The following MTBP variants were observed in gnomAD, a reference collection of about 807,000 sequenced individuals.
The protein encoded by MTBP is MDM2 binding protein, also known as mdm2-binding protein.
In MTBP, 101 loss-of-function variants were observed where a neutral mutation model predicts 117.0. That is an observed-to-expected ratio of 0.86 (90% CI 0.73 to 1.02). The LOEUF is 1.02. Among genes scored for constraint, MTBP ranks in the 50% least tolerant of loss-of-function variants. The probability of loss-of-function intolerance (pLI) is 0.00; values close to 1 mark genes in which losing one functional copy is unlikely to be tolerated. For synonymous variants in MTBP, 350 were observed against 351.5 expected (o/e 1.00, Z 0.05); for missense variants, 970 against 1,030.9 (o/e 0.94, Z 0.81).
chr8:120,490,602 C>A, intron 13 of MTBP, 32 bp downstream of exon 13: 1 of 1,410,820 alleles, frequency 7.1e-7, no homozygotes, highest in South Asian at 1.3e-5. Context: ...TTATCCTACC[C>A]TAAAAATGTT....
In MTBP at chr8:120,450,985, T is replaced by C. The variant is rs770430669; in HGVS notation, c.200-18T>C. 6.3e-7 allele frequency: 1 copy of C among 1,590,878 alleles called. No individual in the cohort carries two copies. The highest frequency in any genetic ancestry group is 1.7e-5 in the Admixed American group (1 of 57,838). ...TTATGGTATGCCTTTTTAATAATAA[T>C]GTGGTTTTATTTTCAAGCCTGTTCA... is the stretch of plus-strand genomic sequence containing the variant. On this transcript the variant is annotated intron_variant, in intron 2 of 21. Transcript: ENST00000305949.
chr8:120,456,539 TC>T lies in MTBP; in HGVS notation c.630-13del. On this transcript the variant is annotated splice_polypyrimidine_tract_variant and intron_variant, in intron 6 of 21. Transcript: ENST00000305949. ...AAAACCCTGTGTTTAATTGTTGTAA[TC>T]TTTTTTTTATAGAAACTGTCAGAAA... 1.5e-6 allele frequency: 2 copies of T among 1,346,802 alleles called. No individual in the cohort carries two copies. The highest frequency in any genetic ancestry group is 2.1e-6 in the Non-Finnish European group (2 of 951,768). 83.4% of individuals were successfully genotyped at this position (1,346,802 alleles called of 1,614,324 possible). A position where few individuals can be genotyped will look rare whatever the true frequency, so the allele number is the denominator to read the frequency against.
At chr8:120,447,510 C>T (rs1002724596) in intron 2 of MTBP, among the ~76,000 whole-genome samples, 9 of 152,060 alleles carry the variant, frequency 5.9e-5, no homozygotes, top group Non-Finnish European at 7.4e-5. Context: ...ATAAATTTTA[C>T]TTCCCCCTTG....
rs1356598318 is a variant in MTBP at position 120,459,338 on chromosome 8, A to G, written c.871A>G (p.Ile291Val). Residue 291 changes from isoleucine to valine, a missense_variant, in exon 8 of 22, where the codon ATT (isoleucine) becomes GTT (valine). Ile to Val is a conservative substitution (Grantham distance 29). Transcript: ENST00000305949. ...KKIIPSKDKN[I>V]LPKVFHYYGP... is the part of the protein sequence containing the mutation. Reference sequence around the variant, plus strand: ...GATCATACCATCAAAGGATAAGAATATTTTGCCAAAGGTAATCGTGTTTAA... The same window carrying G: ...GATCATACCATCAAAGGATAAGAATGTTTTGCCAAAGGTAATCGTGTTTAA... The G allele has an allele frequency of 1.2e-6, 2 of 1,604,328 alleles. No individual in the cohort carries two copies. Among genetic ancestry groups the G allele is most frequent in the Non-Finnish European group, 1.7e-6 (2 of 1,176,402 alleles).
chr8:120,506,942 T>C, intron 16 of MTBP, 81 bp downstream of exon 16: 1 of 1,209,738 alleles, frequency 8.3e-7, no homozygotes, highest in Non-Finnish European at 1.1e-6. Flanking sequence ...CCTTATTAAT[T>C]GATGTCCTAT....
chr8:120,466,610 C>T lies in MTBP; in HGVS notation c.1047+2849C>T, dbSNP rs191998332. 2.3e-4 allele frequency among the ~76,000 whole-genome samples: 35 copies of T among 151,926 alleles called. No homozygotes were observed. The East Asian group carries it at 5.9e-3, about 25-fold the overall frequency. On this transcript the variant is annotated intron_variant, in intron 10 of 21. Transcript: ENST00000305949. ...GGTTTCAGCTGGGCGCGGTGGCTCACGCCTTTAATTCCAGCACTTTGGGAG... is the reference window on the plus strand; with the variant it reads ...GGTTTCAGCTGGGCGCGGTGGCTCATGCCTTTAATTCCAGCACTTTGGGAG...
At chr8:120,507,983 T>TG (rs11414336) in intron 16 of MTBP, among the ~76,000 whole-genome samples, 84,130 of 151,910 alleles carry the variant, frequency 0.55, 25,484 homozygotes, top group Non-Finnish European at 0.67. Flanking sequence ...GTACTCTTTT[T>TG]ACAGAATGTC....
intron 15 of MTBP, among the ~76,000 whole-genome samples, 198 bp from the exon 16 acceptor site, chr8:120,506,508 T>C (rs572327948): frequency 9.2e-5 from 14 of 152,306 alleles, no homozygotes; most frequent in African/African-American, 2.9e-4. Context: ...TTTTAAAACA[T>C]AGTTAGAAAC....
At chr8:120,482,041 G>A (rs1293514987) in intron 11 of MTBP, among the ~76,000 whole-genome samples, 1 of 152,106 alleles carries the variant, frequency 6.6e-6, no homozygotes, top group Non-Finnish European at 1.5e-5. Context: ...CTGCAAATTA[G>A]AATCACCTTG....
intron 19 of MTBP, 34 bp from the exon 20 acceptor site, chr8:120,518,670 A>G: frequency 7.0e-7 from 1 of 1,431,510 alleles, no homozygotes; most frequent in Non-Finnish European, 9.6e-7. Flanking sequence ...GCCTTTTCCA[A>G]GAAATATTCG....
At chr8:120,509,407 G>A (rs995693781) in intron 16 of MTBP, among the ~76,000 whole-genome samples, 28 of 152,244 alleles carry the variant, frequency 1.8e-4, no homozygotes, top group Non-Finnish European at 3.4e-4. Context: ...TTTGAGACCA[G>A]CCTGGCCAAC....
At chr8:120,516,650 A>G (rs1203292118) in intron 18 of MTBP, among the ~76,000 whole-genome samples, 1 of 152,070 alleles carries the variant, frequency 6.6e-6, no homozygotes, top group Non-Finnish European at 1.5e-5. Context: ...TAATGATAGA[A>G]TATATGAAAC....
intron 9 of MTBP, 104 bp from the exon 10 acceptor site, chr8:120,463,588 A>T (rs941995730): frequency 1.1e-6 from 1 of 912,534 alleles, no homozygotes; most frequent in African/African-American, 1.6e-5. Flanking sequence ...TTTTTAATAG[A>T]TGAATTTAAG....
intron 10 of MTBP, 26 bp from the exon 11 acceptor site, chr8:120,470,794 A>C (rs371554262): frequency 4.0e-6 from 6 of 1,493,312 alleles, no homozygotes; most frequent in Non-Finnish European, 5.6e-6. Flanking sequence ...TGTGCAATCA[A>C]TAAAAATATG....
intron 7 of MTBP, among the ~76,000 whole-genome samples, chr8:120,458,097 T>G (rs1377568144): frequency 6.6e-6 from 1 of 152,196 alleles, no homozygotes; most frequent in East Asian, 1.9e-4. Flanking sequence ...GATTCTTTTA[T>G]TCTCTTGAAT....
At chr8:120,481,529 G>A (rs1344888090) in intron 11 of MTBP, among the ~76,000 whole-genome samples, 2 of 152,122 alleles carry the variant, frequency 1.3e-5, no homozygotes, top group Non-Finnish European at 2.9e-5. Context: ...ATTGTGCTAA[G>A]TTTATAAATA....
At position 120,516,127 on chromosome 8, in the gene MTBP, C is replaced by T. The variant is rs918382884; in HGVS notation, c.2182C>T (p.Arg728Ter). 7 of 1,612,642 alleles carry T rather than the reference C, an allele frequency of 4.3e-6. No individual in the cohort carries two copies. In the South Asian group the frequency reaches 4.4e-5, roughly 10 times the overall value. ...PDGEVLQNEL[R>*]TEVSRLKRRS... ...CGGAGAAGTTTTACAAAATGAACTT[C>T]GAACTGAAGTATCCCGATTGAAACG... The change falls in exon 18 of 22, where the codon CGA becomes TGA. Residue 728 changes from arginine to a stop codon, truncating the protein, a stop_gained. Transcript: ENST00000305949. LOFTEE classifies it high-confidence loss of function.
At chr8:120,503,697 G>A (rs915515609) in intron 15 of MTBP, among the ~76,000 whole-genome samples, 2 of 152,144 alleles carry the variant, frequency 1.3e-5, no homozygotes, top group African/African-American at 2.4e-5. Flanking sequence ...TAAATTGCAG[G>A]AGGGAGAGAT....
chr8:120,486,141 T>C (rs1390726292), intron 11 of MTBP, among the ~76,000 whole-genome samples: 2 of 152,164 alleles, frequency 1.3e-5, no homozygotes, highest in Non-Finnish European at 1.5e-5. Flanking sequence ...AGCTGTCTCA[T>C]TCCCAGGTTC....
Sources: allele counts gnomAD v4.1 joint callset (sites outside exome capture counted in the v4.1 genomes callset), GRCh38; gene constraint gnomAD v4.1.1; transcripts MANE v1.5; gene names NCBI Gene and HGNC (gene_info 2026-07-23, HGNC 2026-07-21).